Variants in STOX2 observed in about 807,000 individuals in gnomAD.
STOX2 encodes storkhead-box protein 2.
A neutral mutation model predicts 60.9 loss-of-function variants in STOX2; 28 were observed. The observed-to-expected ratio is 0.46, with a 90% CI of 0.34 to 0.63. The LOEUF (loss-of-function observed/expected upper bound fraction) is 0.63, where lower values mean the gene tolerates loss of function less well. STOX2 is among the 30% of genes least tolerant of loss of function. The pLI is 0.01. For synonymous variants in STOX2, 472 were observed against 463.9 expected (o/e 1.02, Z -0.22); for missense variants, 1,024 against 1,187.7 (o/e 0.86, Z 2.03).
intron 1 of STOX2, among the ~76,000 whole-genome samples, chr4:183,926,451 C>T (rs935600852): frequency 3.9e-5 from 6 of 152,152 alleles, no homozygotes; most frequent in African/African-American, 7.2e-5. Flanking sequence ...ACACCCAATT[C>T]TCTGAGGTTG....
chr4:183,863,605 G>A (rs1048682860), intron 1 of STOX2, among the ~76,000 whole-genome samples: 10 of 152,092 alleles, frequency 6.6e-5, no homozygotes, highest in Non-Finnish European at 8.8e-5. Flanking sequence ...TTAGTATTGC[G>A]TGACGATTGG....
upstream of STOX2, among the ~76,000 whole-genome samples, chr4:183,901,916 G>A (rs1241955599): frequency 6.6e-6 from 1 of 152,042 alleles, no homozygotes; most frequent in East Asian, 1.9e-4. Flanking sequence ...GTCTTCTGAT[G>A]CACACATTTT....
chr4:183,959,154 C>G (rs1743342134), intron 1 of STOX2, among the ~76,000 whole-genome samples: 1 of 152,116 alleles, frequency 6.6e-6, no homozygotes, highest in African/African-American at 2.4e-5. Context: ...TTCTAAGCCA[C>G]TTTGATGTCT....
At chr4:183,874,991 A>ATATATATACG (rs150927457) in intron 1 of STOX2, among the ~76,000 whole-genome samples, 1 of 84,888 alleles carries the variant, frequency 1.2e-5, no homozygotes, top group Non-Finnish European at 2.2e-5. Flanking sequence ...ATATATATAT[A>ATATATATACG]TAAAACTTAG....
chr4:183,803,794 C>A (rs1296562540), intron 1 of STOX2, among the ~76,000 whole-genome samples: 1 of 152,144 alleles, frequency 6.6e-6, no homozygotes, highest in Non-Finnish European at 1.5e-5. Flanking sequence ...GAAACCCTGT[C>A]TCTACTAAAA....
chr4:183,809,403 T>TTTTA (rs113133649), intron 1 of STOX2, among the ~76,000 whole-genome samples: 1 of 151,812 alleles, frequency 6.6e-6, no homozygotes, highest in East Asian at 1.9e-4. Flanking sequence ...TGATTTTTAT[T>TTTTA]TTTATTTATT....
intron 1 of STOX2, among the ~76,000 whole-genome samples, chr4:183,832,100 C>T (rs534967966): frequency 1.3e-5 from 2 of 151,972 alleles, no homozygotes; most frequent in African/African-American, 4.8e-5. Context: ...AGTGATTCTC[C>T]TGCCTCAGCC....
At chr4:183,978,046 G>C (rs1011607735) in intron 1 of STOX2, among the ~76,000 whole-genome samples, 1 of 152,154 alleles carries the variant, frequency 6.6e-6, no homozygotes, top group Non-Finnish European at 1.5e-5. Flanking sequence ...CATTGTGTAG[G>C]ATGTCTGTTT....
chr4:183,881,446 G>T (rs1332813132), intron 1 of STOX2, among the ~76,000 whole-genome samples: 2 of 152,170 alleles, frequency 1.3e-5, no homozygotes, highest in Non-Finnish European at 2.9e-5. Context: ...AGGTTGCAGT[G>T]AGCTGAGATT....
chr4:183,964,412 T>C (rs562705381), intron 1 of STOX2, among the ~76,000 whole-genome samples: 35 of 152,328 alleles, frequency 2.3e-4, no homozygotes, highest in African/African-American at 7.9e-4. Flanking sequence ...TTGTATGTAA[T>C]GCATGATGCC....
At chr4:183,970,516 G>A (rs1743712534) in intron 1 of STOX2, among the ~76,000 whole-genome samples, 1 of 152,094 alleles carries the variant, frequency 6.6e-6, no homozygotes, top group Non-Finnish European at 1.5e-5. Context: ...CCACATCACT[G>A]CCCCCGACCG....
chr4:184,012,734 T>C (rs1389932140), intron 3 of STOX2, among the ~76,000 whole-genome samples: 1 of 152,146 alleles, frequency 6.6e-6, no homozygotes, highest in South Asian at 2.1e-4. Context: ...CCTCTCCCCA[T>C]CCCTCGAGGA....
At chr4:183,798,910 G>T (rs937393899) in intron 1 of STOX2, 1 of 124,332 alleles carries the variant, frequency 8.0e-6, no homozygotes, top group Non-Finnish European at 1.2e-5. Flanking sequence ...TTGAGTTTTT[G>T]TACTATTACA....
At chr4:183,988,788 G>C (rs1732960070) in intron 1 of STOX2, 1 of 152,676 alleles carries the variant, frequency 6.5e-6, no homozygotes, top group African/African-American at 2.4e-5. Context: ...AGTGCTACCT[G>C]GGGGATGGAG....
At chr4:183,915,637 A>C (rs1012584268) in intron 1 of STOX2, among the ~76,000 whole-genome samples, 7 of 152,226 alleles carry the variant, frequency 4.6e-5, no homozygotes, top group Admixed American at 4.6e-4. Flanking sequence ...CCCTAGATCC[A>C]CATGACTGGT....
chr4:183,827,481 C>A (rs964077166), intron 1 of STOX2, among the ~76,000 whole-genome samples: 1 of 151,012 alleles, frequency 6.6e-6, no homozygotes, highest in African/African-American at 2.4e-5. Context: ...GACAATGAGA[C>A]CCTGTCTCTA....
chr4:183,848,778 A>T (rs182437650), intron 1 of STOX2, among the ~76,000 whole-genome samples: 17 of 152,350 alleles, frequency 1.1e-4, no homozygotes, highest in Admixed American at 1.3e-4. Flanking sequence ...TACAAAACTT[A>T]CAGACAGTCA....
chr4:183,902,346 G>A (rs773935928), upstream of STOX2, among the ~76,000 whole-genome samples: 4 of 152,266 alleles, frequency 2.6e-5, no homozygotes, highest in Non-Finnish European at 1.5e-5. Flanking sequence ...GAGTCACAAA[G>A]CAAATCTGTG....
intron 1 of STOX2, among the ~76,000 whole-genome samples, chr4:183,944,103 G>C (rs900346375): frequency 6.6e-6 from 1 of 152,130 alleles, no homozygotes; most frequent in Admixed American, 6.5e-5. Flanking sequence ...AGAGAGAAGA[G>C]AACTAATTCT....
Sources: gnomAD v4.1 joint callset for allele counts (sites outside exome capture counted in the v4.1 genomes callset) on GRCh38, gnomAD v4.1.1 for gene constraint, MANE v1.5 for transcripts, NCBI Gene and HGNC (gene_info 2026-07-23, HGNC 2026-07-21) for gene names.